The following TYRO3 variants were observed in gnomAD, a reference collection of about 807,000 sequenced individuals.
TYRO3 encodes TYRO3 protein tyrosine kinase.
TYRO3 carries 38 observed loss-of-function variants against 95.2 expected under a neutral mutation model. That is an observed-to-expected ratio of 0.40 (90% CI 0.31 to 0.52). TYRO3 has a LOEUF of 0.52. Ranked by LOEUF, TYRO3 falls within the 20% of genes least tolerant of loss-of-function variation. The pLI is 0.56. For missense variants in TYRO3, 812 were observed against 1,116.4 expected (o/e 0.73, Z 3.89); for synonymous variants, 367 against 432.9 (o/e 0.85, Z 1.89).
chr15:41,564,697 G>T (rs1469652828), intron 5 of TYRO3: 13 of 386,080 alleles, frequency 3.4e-5, no homozygotes, highest in Admixed American at 3.7e-5. Flanking sequence ...GGCTGTGGCT[G>T]CAGGGGCAGC....
At position 41,564,283 on chromosome 15, in the gene TYRO3, G is replaced by C; in HGVS notation, c.667+13G>C. Reference sequence around the variant, plus strand: ...GTTCACCTTCAAGGTAGGAGGGCTGGCAGGGAGGAAGGGTGGATGAGGCCA... The same window carrying C: ...GTTCACCTTCAAGGTAGGAGGGCTGCCAGGGAGGAAGGGTGGATGAGGCCA... On this transcript the variant is annotated intron_variant, in intron 5 of 18. Coordinates refer to ENST00000263798, the MANE Select transcript of TYRO3 (RefSeq NM_006293.4). 4 of 1,435,704 alleles carry C rather than the reference G, an allele frequency of 2.8e-6. No homozygotes were observed. The highest frequency in any genetic ancestry group is 1.9e-4 in the Middle Eastern group (1 of 5,396). The allele number at this position is 1,435,704 out of a possible 1,614,324, so 88.9% of individuals were successfully genotyped here.
intron 14 of TYRO3, 72 bp from the exon 15 acceptor site, chr15:41,572,370 TG>T: frequency 6.5e-7 from 1 of 1,538,910 alleles, no homozygotes; most frequent in African/African-American, 1.4e-5. Context: ...ACCCAGCAGG[TG>T]GGGACTTATG....
chr15:41,559,310 C>G lies in TYRO3; in HGVS notation c.53C>G (p.Pro18Arg). ...GRPGLPPLPL[P>R]PPPRLGLLLA... Reference sequence around the variant, plus strand: ...CCGGGGCTCCCGCCGCTGCCGCTGCCGCCGCCACCGCGGCTCGGGCTGCTG... The same window carrying G: ...CCGGGGCTCCCGCCGCTGCCGCTGCGGCCGCCACCGCGGCTCGGGCTGCTG... The change falls in exon 1 of 19, where the codon CCG (proline) becomes CGG (arginine). Residue 18 changes from proline (P) to arginine (R), a missense_variant. Physicochemically the swap from Pro to Arg is moderately radical, Grantham distance 103. Transcript: ENST00000263798. 1 of 654,346 alleles carries G rather than the reference C, an allele frequency of 1.5e-6. No individual in the cohort carries two copies. Among genetic ancestry groups the G allele is most frequent in the Non-Finnish European group, 2.1e-6 (1 of 466,692 alleles). 40.5% of individuals were successfully genotyped at this position (654,346 alleles called of 1,614,324 possible).
At position 41,580,706 on chromosome 15, in the gene TYRO3, C is replaced by T. The variant is rs1433476010; in HGVS notation, c.*2430C>T. On this transcript the variant is annotated 3_prime_UTR_variant, in exon 19 of 19. Coordinates refer to ENST00000263798, the MANE Select transcript of TYRO3 (RefSeq NM_006293.4). ...AGTGCAGTGGTGTGATCTCGGCTCA[C>T]TGTAACCTCTGTCTCCCAGGTTTAA... The T allele has an allele frequency of 1.3e-5, 2 of 151,220 alleles. No individual in the cohort carries two copies. Among genetic ancestry groups the T allele is most frequent in the Non-Finnish European group, 2.9e-5 (2 of 67,806 alleles). The allele number at this position is 151,220 out of a possible 1,614,324, so 9.4% of individuals were successfully genotyped here.
chr15:41,567,639 G>A (rs1396966584), intron 7 of TYRO3, 102 bp downstream of exon 7: 24 of 1,100,772 alleles, frequency 2.2e-5, no homozygotes, highest in Non-Finnish European at 2.7e-5. Context: ...GGAGGTTCAG[G>A]CATCATTCGG....
At chr15:41,567,778 C>T (rs1595501774) in intron 7 of TYRO3, among the ~76,000 whole-genome samples, 1 of 152,104 alleles carries the variant, frequency 6.6e-6, no homozygotes, top group South Asian at 2.1e-4. Flanking sequence ...AAGGAAACCC[C>T]CCCTAAAAAG....
chr15:41,576,767 G>T (rs1008850482), intron 18 of TYRO3, among the ~76,000 whole-genome samples: 1 of 148,626 alleles, frequency 6.7e-6, no homozygotes, highest in African/African-American at 2.5e-5. Flanking sequence ...GGGTTCAAGA[G>T]ATCTTCTGCC....
In TYRO3 at chr15:41,573,825, C is replaced by T; in HGVS notation, c.2282+10C>T. ...AGTGTATGGAGGACGTGTGAGTATC[C>T]TGGGAAGGGGGCTCTGGAAGGAAAG... On this transcript the variant is annotated intron_variant, in intron 18 of 18. Transcript: ENST00000263798. 6.2e-7 allele frequency: 1 copy of T among 1,612,882 alleles called. No homozygotes were observed. The highest frequency in any genetic ancestry group is 8.5e-7 in the Non-Finnish European group (1 of 1,179,306).
At chr15:41,559,505 G>C in intron 1 of TYRO3, 124 bp downstream of exon 1, 1 of 265,536 alleles carries the variant, frequency 3.8e-6, no homozygotes, top group Non-Finnish European at 7.0e-6. Flanking sequence ...GAAGGCCGAG[G>C]CTCGGAGCCG....
At chr15:41,568,394 C>A (rs1595502107) in intron 8 of TYRO3, 32 bp downstream of exon 8, 4 of 1,592,374 alleles carry the variant, frequency 2.5e-6, no homozygotes, top group Admixed American at 3.5e-5. Context: ...TCTCCACTCT[C>A]CTGGAGTATA....
Position 41,572,794 on chromosome 15 carries a change from T to A in TYRO3, c.1876-208T>A, listed in dbSNP as rs112747879. ...AGGGCCCTTTCTAGAGGGAGGGACT[T>A]GTGGAGCCCCAGGGTGGGGGAGTCT... On this transcript the variant is annotated intron_variant, in intron 15 of 18. Coordinates refer to ENST00000263798, the MANE Select transcript of TYRO3 (RefSeq NM_006293.4). Among the ~76,000 whole-genome samples, 397 of 152,220 alleles carry A rather than the reference T, an allele frequency of 2.6e-3. 1 individual carries two copies. Among genetic ancestry groups the A allele is most frequent in the South Asian group, 5.6e-3 (27 of 4,828 alleles).
At chr15:41,564,157 G>A (rs2055691188) in intron 4 of TYRO3, 27 bp from the exon 5 acceptor site, 1 of 1,556,048 alleles carries the variant, frequency 6.4e-7, no homozygotes, top group Non-Finnish European at 8.9e-7. Flanking sequence ...GCTGCTTGGG[G>A]AGCTGACTGA....
rs2055889947 is a variant in TYRO3, at chr15:41,578,578, G to A, written c.*302G>A. ...GGTTATGTTTCCATGGTTACCATGG[G>A]TGTGGATGGCAGTGTGGGGAGGGCA... is the stretch of plus-strand genomic sequence containing the variant. On this transcript the variant is annotated 3_prime_UTR_variant, in exon 19 of 19. Coordinates refer to ENST00000263798, the MANE Select transcript of TYRO3 (RefSeq NM_006293.4). 2.2e-6 allele frequency: 1 copy of A among 456,294 alleles called. No homozygotes were observed. The highest frequency in any genetic ancestry group is 3.9e-6 in the Non-Finnish European group (1 of 254,350). 28.3% of individuals were successfully genotyped at this position (456,294 alleles called of 1,614,324 possible). A position where few individuals can be genotyped will look rare whatever the true frequency, so the allele number is the denominator to read the frequency against.
At chr15:41,573,205 A>G (rs1366175591) in intron 16 of TYRO3, 94 bp downstream of exon 16, 3 of 1,562,054 alleles carry the variant, frequency 1.9e-6, no homozygotes, top group Middle Eastern at 1.7e-4. Flanking sequence ...AGTATCTGCT[A>G]TGCATGGGGG....
chr15:41,567,310 C>T (rs1312771942), intron 6 of TYRO3, 50 bp from the exon 7 acceptor site: 2 of 1,398,920 alleles, frequency 1.4e-6, no homozygotes, highest in African/African-American at 1.5e-5. Context: ...TCCCATCTTC[C>T]ATCTCTCACA....
rs771598318 is a variant in TYRO3, at chr15:41,561,349, G to C, written c.308+39G>C. 8.8e-6 allele frequency: 14 copies of C among 1,596,800 alleles called. No individual in the cohort carries two copies. The South Asian group carries it at 1.4e-4, about 15-fold the overall frequency. On this transcript the variant is annotated intron_variant, in intron 2 of 18. Coordinates refer to ENST00000263798, the MANE Select transcript of TYRO3 (RefSeq NM_006293.4). ...GGGGAAGGTGTGGGCTGCCAGCCAG[G>C]GGGCAGGCTATGCTCTTTCCTTGGG...
rs1180029267 is a variant in TYRO3, at chr15:41,582,996, TG to T, written c.*4721del. 2 of 49,884 alleles carry T rather than the reference TG, an allele frequency of 4.0e-5. No individual in the cohort carries two copies. The highest frequency in any genetic ancestry group is 9.8e-5 in the Non-Finnish European group (2 of 20,374). The allele number at this position is 49,884 out of a possible 1,614,324, so 3.1% of individuals were successfully genotyped here. A position where few individuals can be genotyped will look rare whatever the true frequency, so the allele number is the denominator to read the frequency against. ...CCACTGCACCTGGCAAATTTTTAAGTGTTTTTTTTTTTTTTTAATACAGAGC... is the reference window on the plus strand; with the variant it reads ...CCACTGCACCTGGCAAATTTTTAAGTTTTTTTTTTTTTTTTAATACAGAGC... On this transcript the variant is annotated 3_prime_UTR_variant, in exon 19 of 19. Coordinates refer to ENST00000263798, the MANE Select transcript of TYRO3 (RefSeq NM_006293.4).
rs60774614 is a variant in TYRO3 at position 41,568,166 on chromosome 15, A to T, written c.962-51A>T. 663 of 1,608,210 alleles carry T rather than the reference A, an allele frequency of 4.1e-4. 3 individuals are homozygous for T. In the African/African-American group the frequency reaches 7.0e-3, roughly 17 times the overall value. On this transcript the variant is annotated intron_variant, in intron 7 of 18. Coordinates refer to ENST00000263798, the MANE Select transcript of TYRO3 (RefSeq NM_006293.4). ...TGATTCCAAAGGTCTGCATGGAATT[A>T]TGATGGTGGGAAGGGCAGGGGTCTT...
At position 41,571,127 on chromosome 15, in the gene TYRO3, G is replaced by A. The variant is rs1467969793; in HGVS notation, c.1660+9G>A. The A allele has an allele frequency of 1.0e-5, 13 of 1,285,654 alleles. No individual in the cohort carries two copies. The highest frequency in any genetic ancestry group is 1.4e-5 in the African/African-American group (1 of 71,950). 79.6% of individuals were successfully genotyped at this position (1,285,654 alleles called of 1,614,324 possible). A position where few individuals can be genotyped will look rare whatever the true frequency, so the allele number is the denominator to read the frequency against. ...TGTGAAGATGCTGAAAGGTGAGTGG[G>A]GGATAGCTGTAGCCTGAGGGCATCA... On this transcript the variant is annotated intron_variant, in intron 13 of 18. Transcript: ENST00000263798.
Sources: gnomAD v4.1 joint callset for allele counts (sites outside exome capture counted in the v4.1 genomes callset) on GRCh38, gnomAD v4.1.1 for gene constraint, MANE v1.5 for transcripts, NCBI Gene and HGNC (gene_info 2026-07-23, HGNC 2026-07-21) for gene names.